Variants in PACRG observed in about 807,000 individuals in gnomAD.
The protein encoded by PACRG is parkin coregulated, also known as parkin coregulated gene protein.
Under a neutral mutation model 29.7 loss-of-function variants are expected in PACRG, and 29 were observed. The ratio of observed to expected loss-of-function variants is 0.98; its 90% CI spans 0.73 to 1.33. The LOEUF (loss-of-function observed/expected upper bound fraction) is 1.33. PACRG is among the 40% of genes most tolerant of loss of function. The pLI is 0.00. For missense variants in PACRG, 279 were observed against 316.2 expected (o/e 0.88, Z 0.89); for synonymous variants, 116 against 118.7 (o/e 0.98, Z 0.15).
chr6:162,982,930 G>A (rs1395606923), intron 2 of PACRG, among the ~76,000 whole-genome samples: 1 of 151,944 alleles, frequency 6.6e-6, no homozygotes, highest in Non-Finnish European at 1.5e-5. Flanking sequence ...TTATGGTGTT[G>A]CCATATATCT....
At chr6:162,740,561 C>T (rs755032391) in intron 1 of PACRG, among the ~76,000 whole-genome samples, 2 of 151,010 alleles carry the variant, frequency 1.3e-5, no homozygotes, top group Non-Finnish European at 2.9e-5. Flanking sequence ...CGCGATCCAC[C>T]TGCCTTTGGC....
chr6:163,003,369 A>C, intron 2 of PACRG, among the ~76,000 whole-genome samples: 1 of 152,332 alleles, frequency 6.6e-6, no homozygotes, highest in African/African-American at 2.4e-5. Flanking sequence ...AATTCCTGTA[A>C]GCATTTGAAT....
intron 1 of PACRG, among the ~76,000 whole-genome samples, chr6:162,741,475 A>G (rs757906660): frequency 3.9e-5 from 6 of 152,076 alleles, no homozygotes; most frequent in Admixed American, 6.5e-5. Context: ...GTGTCCTCAC[A>G]TGGCTTTCCT....
chr6:162,991,926 T>C (rs1158305588), intron 2 of PACRG, among the ~76,000 whole-genome samples: 1 of 118,214 alleles, frequency 8.5e-6, no homozygotes, highest in East Asian at 2.3e-4. Flanking sequence ...CAATACCTAA[T>C]TTATTGAGAG....
Position 163,212,749 on chromosome 6 carries a change from G to GTACATATAATTAT in PACRG, c.614-102078_614-102077insTACATATAATTAT, listed in dbSNP as rs57238242. ...ACAAAATGCACATTAATTATAAAGG[G>GTACATATAATTAT]AAGAAGAGTAACTTTACTTTGGAAA... On this transcript the variant is annotated intron_variant, in intron 4 of 4. Transcript: ENST00000366888. Among the ~76,000 whole-genome samples the GTACATATAATTAT allele has an allele frequency of 5.3e-5, 8 of 151,550 alleles. No individual in the cohort carries two copies. In the East Asian group the frequency reaches 1.6e-3, roughly 29 times the overall value.
intron 2 of PACRG, among the ~76,000 whole-genome samples, chr6:162,933,112 C>A (rs1190238617): frequency 1.3e-5 from 2 of 152,032 alleles, no homozygotes; most frequent in Non-Finnish European, 2.9e-5. Flanking sequence ...TTAATTTCTT[C>A]ATAGACCCAT....
intron 2 of PACRG, among the ~76,000 whole-genome samples, chr6:163,025,015 G>A (rs1806993994): frequency 6.6e-6 from 1 of 152,136 alleles, no homozygotes; most frequent in East Asian, 1.9e-4. Context: ...TGCAGAAAAA[G>A]CTTTCAATAA....
intron 4 of PACRG, among the ~76,000 whole-genome samples, chr6:163,163,418 A>T (rs1778649673): frequency 6.6e-6 from 1 of 152,068 alleles, no homozygotes; most frequent in African/African-American, 2.4e-5. Context: ...ATTACAGGCA[A>T]CTGCCACCAC....
At chr6:162,818,363 C>T (rs978230579) in intron 2 of PACRG, among the ~76,000 whole-genome samples, 1 of 152,088 alleles carries the variant, frequency 6.6e-6, no homozygotes, top group African/African-American at 2.4e-5. Flanking sequence ...TAATATAAAT[C>T]GCACACTTCT....
chr6:163,185,957 A>C lies in PACRG; in HGVS notation c.613+96549A>C, dbSNP rs531200449. ...CTAAGCCCCAGCAAATCACCCCAGCACTCCCAGGCAGTGAGTGGGGGAGGG... is the reference window on the plus strand; with the variant it reads ...CTAAGCCCCAGCAAATCACCCCAGCCCTCCCAGGCAGTGAGTGGGGGAGGG... On this transcript the variant is annotated intron_variant, in intron 4 of 4. Transcript: ENST00000366888. Among the ~76,000 whole-genome samples the C allele has an allele frequency of 2.6e-5, 4 of 151,450 alleles. No individual in the cohort carries two copies. The East Asian group carries it at 7.8e-4, about 29-fold the overall frequency.
chr6:163,180,668 T>C (rs1779610464), intron 4 of PACRG, among the ~76,000 whole-genome samples: 1 of 152,136 alleles, frequency 6.6e-6, no homozygotes, highest in Non-Finnish European at 1.5e-5. Flanking sequence ...AGAGGGGTTT[T>C]TTGTATGGTT....
chr6:163,045,860 C>T (rs989806019), intron 2 of PACRG, among the ~76,000 whole-genome samples: 6 of 151,684 alleles, frequency 4.0e-5, no homozygotes, highest in African/African-American at 1.5e-4. Flanking sequence ...ATGATCCACC[C>T]GCCTCAGCCT....
At chr6:163,298,201 C>A (rs1199108598) in intron 4 of PACRG, among the ~76,000 whole-genome samples, 1 of 151,898 alleles carries the variant, frequency 6.6e-6, no homozygotes, top group African/African-American at 2.4e-5. Context: ...TTCTTTATAA[C>A]CTCTACCCAG....
chr6:163,299,585 T>C (rs1784909258), intron 4 of PACRG, among the ~76,000 whole-genome samples: 1 of 152,082 alleles, frequency 6.6e-6, no homozygotes, highest in South Asian at 2.1e-4. Context: ...AAGGTGTCTG[T>C]AAAAACTAAA....
chr6:163,044,170 CTTT>C (rs368372180), intron 2 of PACRG, among the ~76,000 whole-genome samples: 9 of 139,964 alleles, frequency 6.4e-5, no homozygotes, highest in African/African-American at 1.3e-4. Flanking sequence ...AAACAGATGA[CTTT>C]TTTTTTTTTT....
chr6:162,786,950 A>G (rs1158891777), intron 1 of PACRG, among the ~76,000 whole-genome samples: 1 of 152,186 alleles, frequency 6.6e-6, no homozygotes, highest in Non-Finnish European at 1.5e-5. Context: ...GATAAACTAT[A>G]TATTGATCAA....
At chr6:163,223,712 C>T (rs887508897) in intron 4 of PACRG, among the ~76,000 whole-genome samples, 4 of 152,156 alleles carry the variant, frequency 2.6e-5, no homozygotes, top group African/African-American at 7.2e-5. Context: ...CTGCTTTTTG[C>T]TGGCTTTAGC....
rs537163797 is a variant in PACRG at position 163,030,891 on chromosome 6, C to T, written c.292-31259C>T. Among the ~76,000 whole-genome samples the T allele has an allele frequency of 3.9e-5, 6 of 152,294 alleles. No homozygotes were observed. The East Asian group carries it at 7.7e-4, about 20-fold the overall frequency. On this transcript the variant is annotated intron_variant, in intron 2 of 4. Transcript: ENST00000366888. Reference sequence around the variant, plus strand: ...GTTTTAGCCAGCTTCTTTACTGCAACCTGTTTTATCAGCAAGGTCTTTATG... The same window carrying T: ...GTTTTAGCCAGCTTCTTTACTGCAATCTGTTTTATCAGCAAGGTCTTTATG...
intron 4 of PACRG, among the ~76,000 whole-genome samples, chr6:163,213,275 C>G (rs973654958): frequency 5.3e-5 from 8 of 150,624 alleles, no homozygotes; most frequent in Admixed American, 2.0e-4. Flanking sequence ...GCCCTGTAAC[C>G]TTTTAAAATG....
Sources: allele counts gnomAD v4.1 joint callset (sites outside exome capture counted in the v4.1 genomes callset), GRCh38; gene constraint gnomAD v4.1.1; transcripts MANE v1.5; gene names NCBI Gene and HGNC (gene_info 2026-07-23, HGNC 2026-07-21).